The following NUDT3 variants were observed in gnomAD, a reference collection of about 807,000 sequenced individuals.
NUDT3 encodes the protein nudix hydrolase 3.
Under a neutral mutation model 23.6 loss-of-function variants are expected in NUDT3, and 9 were observed. That is an observed-to-expected ratio of 0.38 (90% CI 0.23 to 0.66). NUDT3 has a LOEUF of 0.66. Among genes scored for constraint, NUDT3 ranks in the 30% least tolerant of loss-of-function variants. NUDT3 has a pLI of 0.52. For synonymous variants in NUDT3, 86 were observed against 82.6 expected (o/e 1.04, Z -0.22); for missense variants, 172 against 218.5 (o/e 0.79, Z 1.34).
At chr6:34,297,223 C>T (rs1036349176) in intron 2 of NUDT3, among the ~76,000 whole-genome samples, 22 of 152,116 alleles carry the variant, frequency 1.4e-4, no homozygotes, top group African/African-American at 4.8e-4. Flanking sequence ...TGAGTCACCG[C>T]GCCTGGCCTG....
At chr6:34,385,009 A>C (rs1765081656) in intron 1 of NUDT3, among the ~76,000 whole-genome samples, 4 of 147,630 alleles carry the variant, frequency 2.7e-5, no homozygotes, top group Non-Finnish European at 5.9e-5. Flanking sequence ...AGCCTGGTCA[A>C]CAGAGCAAGA....
intron 2 of NUDT3, among the ~76,000 whole-genome samples, chr6:34,326,544 T>G (rs1448555689): frequency 1.3e-5 from 2 of 152,224 alleles, no homozygotes. Context: ...AAAGCCAATT[T>G]TTCAAATTAG....
chr6:34,385,237 A>T (rs1355214599), intron 1 of NUDT3, among the ~76,000 whole-genome samples: 1 of 152,136 alleles, frequency 6.6e-6, no homozygotes, highest in African/African-American at 2.4e-5. Flanking sequence ...AGGGAGGATC[A>T]CTTGAGCCAG....
At position 34,286,769 on chromosome 6, in the gene NUDT3, T is replaced by C. The variant is rs909004716; in HGVS notation, c.*1984A>G. ...GGAGAGGATGTAAACTAAGAGTATATAGCAAAAAAAAAAAAAAAAATTTTT... is the reference window on the plus strand; with the variant it reads ...GGAGAGGATGTAAACTAAGAGTATACAGCAAAAAAAAAAAAAAAAATTTTT... On this transcript the variant is annotated 3_prime_UTR_variant, in exon 5 of 5. Coordinates refer to ENST00000607016, the MANE Select transcript of NUDT3 (RefSeq NM_006703.4). The C allele has an allele frequency of 3.1e-5, 4 of 128,058 alleles. No individual in the cohort carries two copies. Among genetic ancestry groups the C allele is most frequent in the African/African-American group, 1.2e-4 (4 of 32,078 alleles). 7.9% of individuals were successfully genotyped at this position (128,058 alleles called of 1,614,324 possible). A position where few individuals can be genotyped will look rare whatever the true frequency, so the allele number is the denominator to read the frequency against.
At chr6:34,320,955 A>C (rs1763933042) in intron 2 of NUDT3, among the ~76,000 whole-genome samples, 1 of 152,212 alleles carries the variant, frequency 6.6e-6, no homozygotes, top group Admixed American at 6.5e-5. Context: ...AAGCTTTGAT[A>C]AAATGTAGTG....
intron 2 of NUDT3, among the ~76,000 whole-genome samples, chr6:34,310,523 T>C (rs1397993161): frequency 6.6e-6 from 1 of 152,128 alleles, no homozygotes; most frequent in Non-Finnish European, 1.5e-5. Flanking sequence ...AGTGAGACTC[T>C]GTCTCAAATA....
intron 1 of NUDT3, among the ~76,000 whole-genome samples, chr6:34,391,249 C>G (rs1454855367): frequency 6.6e-6 from 1 of 152,184 alleles, no homozygotes; most frequent in Non-Finnish European, 1.5e-5. Context: ...CACCATAGCC[C>G]ACTGCTGAAT....
At chr6:34,367,526 T>G (rs1246671063) in intron 1 of NUDT3, among the ~76,000 whole-genome samples, 1 of 150,894 alleles carries the variant, frequency 6.6e-6, no homozygotes, top group Non-Finnish European at 1.5e-5. Context: ...TAAAAGGTAC[T>G]AATAGTTGCC....
intron 2 of NUDT3, among the ~76,000 whole-genome samples, chr6:34,303,968 C>T (rs976959086): frequency 2.0e-5 from 3 of 152,202 alleles, no homozygotes; most frequent in East Asian, 1.9e-4. Context: ...AAGTCTGCTA[C>T]GAGGCCAGGC....
chr6:34,334,386 C>A (rs1478874712), intron 2 of NUDT3, among the ~76,000 whole-genome samples: 1 of 152,144 alleles, frequency 6.6e-6, no homozygotes. Context: ...CACCTGTAAT[C>A]CCAGCACTTT....
chr6:34,320,805 G>A (rs115033963), intron 2 of NUDT3, among the ~76,000 whole-genome samples: 2 of 151,924 alleles, frequency 1.3e-5, no homozygotes, highest in East Asian at 3.9e-4. Flanking sequence ...CACTCCATTC[G>A]AGCTTGGACA....
intron 1 of NUDT3, among the ~76,000 whole-genome samples, chr6:34,359,647 A>G (rs1376707401): frequency 2.0e-5 from 3 of 152,192 alleles, no homozygotes; most frequent in African/African-American, 7.2e-5. Flanking sequence ...TGTATACACC[A>G]TATACCACAA....
intron 2 of NUDT3, among the ~76,000 whole-genome samples, chr6:34,300,668 C>A (rs1763585272): frequency 6.6e-6 from 1 of 152,216 alleles, no homozygotes; most frequent in Admixed American, 6.5e-5. Flanking sequence ...AAGAAGCTGA[C>A]CCAGTGCCCT....
intron 4 of NUDT3, 91 bp downstream of exon 4, chr6:34,293,360 T>C: frequency 6.8e-7 from 1 of 1,473,396 alleles, no homozygotes; most frequent in Non-Finnish European, 9.5e-7. Flanking sequence ...CTGAGCCTGG[T>C]ACGCTCTTGT....
In NUDT3 at chr6:34,297,764, T is replaced by A. The variant is rs1310496579; in HGVS notation, c.211-2079A>T. On this transcript the variant is annotated intron_variant, in intron 2 of 4. Coordinates refer to ENST00000607016, the MANE Select transcript of NUDT3 (RefSeq NM_006703.4). ...ATATATATATATATATATATAATTT[T>A]TTTTTTTTTTTTAGTAGAGACGGGG... 3.0e-3 allele frequency among the ~76,000 whole-genome samples: 368 copies of A among 122,474 alleles called. 9 individuals carry two copies. The highest frequency in any genetic ancestry group is 8.5e-3 in the African/African-American group (256 of 30,258). 80.3% of individuals were successfully genotyped at this position (122,474 alleles called of 152,430 possible). A position where few individuals can be genotyped will look rare whatever the true frequency, so the allele number is the denominator to read the frequency against.
chr6:34,300,169 T>C (rs958064058), intron 2 of NUDT3, among the ~76,000 whole-genome samples: 5 of 152,152 alleles, frequency 3.3e-5, no homozygotes, highest in Non-Finnish European at 5.9e-5. Context: ...TCCCTGTGTA[T>C]GTACAAAAGC....
At chr6:34,365,997 C>A (rs932643406) in intron 1 of NUDT3, among the ~76,000 whole-genome samples, 3 of 152,032 alleles carry the variant, frequency 2.0e-5, no homozygotes, top group African/African-American at 7.2e-5. Flanking sequence ...GCCAAGATTG[C>A]GCCACTGCAC....
rs577521335 is a variant in NUDT3 at position 34,392,156 on chromosome 6, G to C, written c.99+108C>G. The C allele has an allele frequency of 4.1e-6, 3 of 736,082 alleles. No homozygotes were observed. The East Asian group carries it at 9.5e-5, about 23-fold the overall frequency. 45.6% of individuals were successfully genotyped at this position (736,082 alleles called of 1,614,324 possible). On this transcript the variant is annotated intron_variant, in intron 1 of 4. Transcript: ENST00000607016. Reference sequence around the variant, plus strand: ...ATTCCATCGGAACTTCATTCCGCCCGAGCGGGGCGGCCCTGGCACACCCTC... The same window carrying C: ...ATTCCATCGGAACTTCATTCCGCCCCAGCGGGGCGGCCCTGGCACACCCTC...
chr6:34,322,918 C>T (rs750894177), intron 2 of NUDT3, among the ~76,000 whole-genome samples: 2 of 152,168 alleles, frequency 1.3e-5, no homozygotes, highest in Non-Finnish European at 2.9e-5. Flanking sequence ...ACTATGCAGC[C>T]ATAACAAAGA....
Sources: allele counts gnomAD v4.1 joint callset (sites outside exome capture counted in the v4.1 genomes callset), GRCh38; gene constraint gnomAD v4.1.1; transcripts MANE v1.5; gene names NCBI Gene and HGNC (gene_info 2026-07-23, HGNC 2026-07-21).